Variants in STARD13 observed in about 807,000 individuals in gnomAD.
STARD13 encodes StAR related lipid transfer domain containing 13, also known as stAR-related lipid transfer protein 13.
Under a neutral mutation model 106.4 loss-of-function variants are expected in STARD13, and 62 were observed. That is an observed-to-expected ratio of 0.58 (90% CI 0.48 to 0.72). STARD13 has a LOEUF of 0.72. Among genes scored for constraint, STARD13 ranks in the 30% least tolerant of loss-of-function variants. The probability of loss-of-function intolerance (pLI) is 0.00; values close to 1 mark genes in which losing one functional copy is unlikely to be tolerated. For missense variants in STARD13, 1,387 were observed against 1,424.0 expected (o/e 0.97, Z 0.42); for synonymous variants, 565 against 553.0 (o/e 1.02, Z -0.31).
the STARD13 span, among the ~76,000 whole-genome samples, chr13:33,359,154 C>A: frequency 6.6e-6 from 1 of 151,556 alleles, no homozygotes; most frequent in Non-Finnish European, 1.5e-5. Context: ...CGTTGTTTTT[C>A]GCTCTTTGCA....
chr13:33,251,223 G>A (rs1183907766), intron 1 of STARD13, among the ~76,000 whole-genome samples: 6 of 152,152 alleles, frequency 3.9e-5, no homozygotes, highest in African/African-American at 1.4e-4. Context: ...CTGGTCTACA[G>A]GAGGTAGGAC....
chr13:33,660,817 C>T, the STARD13 span, among the ~76,000 whole-genome samples: 5 of 152,138 alleles, frequency 3.3e-5, no homozygotes, highest in Admixed American at 2.0e-4. Context: ...CTCCTAGCCT[C>T]GAATGATCCT....
chr13:33,416,402 T>G, the STARD13 span, among the ~76,000 whole-genome samples: 21 of 152,314 alleles, frequency 1.4e-4, no homozygotes, highest in Admixed American at 3.9e-4. Flanking sequence ...GATAAGGAAC[T>G]GTATTCCAGA....
the STARD13 span, among the ~76,000 whole-genome samples, chr13:33,639,877 T>C: frequency 6.6e-6 from 1 of 152,350 alleles, no homozygotes; most frequent in East Asian, 1.9e-4. Context: ...CTATTCTAGT[T>C]GGTGGGTGGC....
At chr13:33,161,971 C>A (rs1330904488) in intron 3 of STARD13, among the ~76,000 whole-genome samples, 1 of 152,092 alleles carries the variant, frequency 6.6e-6, no homozygotes, top group Non-Finnish European at 1.5e-5. Context: ...AAACTGCCCC[C>A]CATGATTCAA....
At chr13:33,169,826 G>A (rs941900530) in intron 1 of STARD13, among the ~76,000 whole-genome samples, 1 of 152,210 alleles carries the variant, frequency 6.6e-6, no homozygotes, top group Non-Finnish European at 1.5e-5. Context: ...GGAATGTGGT[G>A]AGCTCAGATC....
At chr13:33,499,519 T>TTTCTTCTTCTTC in the STARD13 span, among the ~76,000 whole-genome samples, 21 of 91,974 alleles carry the variant, frequency 2.3e-4, no homozygotes, top group East Asian at 3.2e-4. Flanking sequence ...TTCTTCTTTC[T>TTTCTTCTTCTTC]TTCTTCTTCT....
intron 1 of STARD13, among the ~76,000 whole-genome samples, chr13:33,259,212 T>C (rs960378427): frequency 1.3e-5 from 2 of 152,224 alleles, no homozygotes; most frequent in African/African-American, 4.8e-5. Flanking sequence ...AAATGTTGAA[T>C]GAATAAATGC....
chr13:33,276,411 C>T (rs887654457), intron 1 of STARD13, among the ~76,000 whole-genome samples: 4 of 152,076 alleles, frequency 2.6e-5, no homozygotes, highest in Admixed American at 6.6e-5. Flanking sequence ...ATAAGAACTC[C>T]GTCTATTTGA....
chr13:33,647,045 T>C, the STARD13 span, among the ~76,000 whole-genome samples: 1 of 152,152 alleles, frequency 6.6e-6, no homozygotes, highest in East Asian at 1.9e-4. Flanking sequence ...AAGGAAATGT[T>C]CCTTTAAGGA....
At chr13:33,328,119 T>C (rs1350217217) in intron 1 of STARD13, among the ~76,000 whole-genome samples, 3 of 152,246 alleles carry the variant, frequency 2.0e-5, no homozygotes, top group Non-Finnish European at 2.9e-5. Flanking sequence ...ATTAATATAC[T>C]TGAGTGTGAA....
chr13:33,465,548 C>T, the STARD13 span, among the ~76,000 whole-genome samples: 1 of 152,140 alleles, frequency 6.6e-6, no homozygotes. Flanking sequence ...CTTCAAAATA[C>T]ATCAGATAAT....
At chr13:33,583,539 G>GT in the STARD13 span, among the ~76,000 whole-genome samples, 1 of 152,124 alleles carries the variant, frequency 6.6e-6, no homozygotes, top group Admixed American at 6.5e-5. Flanking sequence ...GACTAACAGG[G>GT]TTTTTTCTGT....
chr13:33,476,454 T>C, the STARD13 span, among the ~76,000 whole-genome samples: 3 of 152,196 alleles, frequency 2.0e-5, no homozygotes, highest in African/African-American at 7.2e-5. Context: ...TATTGTGCAC[T>C]TGTTCTTACT....
chr13:33,220,678 C>A (rs1888308097), intron 1 of STARD13, among the ~76,000 whole-genome samples: 1 of 152,000 alleles, frequency 6.6e-6, no homozygotes, highest in South Asian at 2.1e-4. Context: ...GGCAACAGAG[C>A]AAGATTCCAT....
At chr13:33,467,246 G>T in the STARD13 span, among the ~76,000 whole-genome samples, 2 of 151,804 alleles carry the variant, frequency 1.3e-5, no homozygotes, top group African/African-American at 4.8e-5. Flanking sequence ...TCCTGTCTGG[G>T]GGTGACGGGA....
chr13:33,175,973 G>T (rs1266555943), intron 1 of STARD13, among the ~76,000 whole-genome samples: 3 of 152,148 alleles, frequency 2.0e-5, no homozygotes, highest in Non-Finnish European at 4.4e-5. Flanking sequence ...ACCTTGCCAT[G>T]TAGGTGAAAG....
chr13:33,183,837 C>A (rs903701235), intron 1 of STARD13, among the ~76,000 whole-genome samples: 2 of 152,140 alleles, frequency 1.3e-5, no homozygotes, highest in African/African-American at 4.8e-5. Context: ...CCCAATTCCC[C>A]CAGGCTGCCC....
chr13:33,515,754 T>C, the STARD13 span, among the ~76,000 whole-genome samples: 1 of 152,126 alleles, frequency 6.6e-6, no homozygotes, highest in African/African-American at 2.4e-5. Context: ...AAACTAATTA[T>C]TGAGCAGTAC....
Sources: allele counts gnomAD v4.1 joint callset (sites outside exome capture counted in the v4.1 genomes callset), GRCh38; gene constraint gnomAD v4.1.1; transcripts MANE v1.5; gene names NCBI Gene and HGNC (gene_info 2026-07-23, HGNC 2026-07-21).